The following WWOX variants were observed in gnomAD, a reference collection of about 807,000 sequenced individuals.
The protein encoded by WWOX is WW domain containing oxidoreductase.
WWOX carries 69 observed loss-of-function variants against 46.2 expected under a neutral mutation model. The ratio of observed to expected loss-of-function variants is 1.49; its 90% CI spans 1.23 to 1.82. The LOEUF (loss-of-function observed/expected upper bound fraction) is 1.82, where lower values mean the gene tolerates loss of function less well. Among genes scored for constraint, WWOX ranks in the 40% most tolerant of loss-of-function variants. The pLI, the probability that WWOX is intolerant of heterozygous loss-of-function variation, is 0.00. For missense variants in WWOX, 919 were observed against 542.6 expected, an observed-to-expected ratio of 1.69 and a Z score of -6.89; for synonymous variants, 359 against 202.6, an observed-to-expected ratio of 1.77 and a Z score of -6.56.
intron 8 of WWOX, among the ~76,000 whole-genome samples, chr16:78,667,694 GATA>G (rs1339484292): frequency 2.0e-4 from 27 of 134,924 alleles, no homozygotes; most frequent in African/African-American, 6.8e-4. Context: ...AAAAAAAAAA[GATA>G]ATGATGAAAA....
intron 8 of WWOX, among the ~76,000 whole-genome samples, chr16:78,706,708 C>G (rs1326778342): frequency 6.6e-6 from 1 of 152,312 alleles, no homozygotes; most frequent in East Asian, 1.9e-4. Context: ...TGCAGTTTCC[C>G]TTTTGACCTG....
chr16:78,595,648 G>C (rs1338136137), intron 8 of WWOX, among the ~76,000 whole-genome samples: 1 of 152,198 alleles, frequency 6.6e-6, no homozygotes, highest in Non-Finnish European at 1.5e-5. Flanking sequence ...ATGTCTTGAT[G>C]ATGAGCCATA....
intron 8 of WWOX, among the ~76,000 whole-genome samples, chr16:78,606,217 C>T (rs887052881): frequency 6.6e-6 from 1 of 152,156 alleles, no homozygotes; most frequent in African/African-American, 2.4e-5. Context: ...ACACATACTT[C>T]TTTTCAACAA....
At chr16:79,161,168 G>T (rs1235376719) in intron 8 of WWOX, among the ~76,000 whole-genome samples, 1 of 152,164 alleles carries the variant, frequency 6.6e-6, no homozygotes, top group Admixed American at 6.5e-5. Flanking sequence ...CAGGATAGAA[G>T]GCAAAGACAA....
At chr16:78,360,025 A>G (rs1248455388) in intron 5 of WWOX, among the ~76,000 whole-genome samples, 3 of 152,252 alleles carry the variant, frequency 2.0e-5, no homozygotes, top group Non-Finnish European at 4.4e-5. Context: ...ATTTCAGGAA[A>G]CAAACTTTTT....
chr16:78,929,602 G>A (rs1160363340), intron 8 of WWOX, among the ~76,000 whole-genome samples: 1 of 152,156 alleles, frequency 6.6e-6, no homozygotes, highest in Non-Finnish European at 1.5e-5. Context: ...GGACAAGGAG[G>A]GCGGGATAAG....
intron 5 of WWOX, among the ~76,000 whole-genome samples, chr16:78,265,039 C>T (rs559261463): frequency 6.4e-4 from 85 of 131,880 alleles, no homozygotes; most frequent in African/African-American, 2.0e-3. Flanking sequence ...CTCACTCCGT[C>T]GTCCAGGTTG....
intron 8 of WWOX, among the ~76,000 whole-genome samples, chr16:79,200,061 G>C (rs1308449296): frequency 6.6e-6 from 1 of 152,160 alleles, no homozygotes; most frequent in African/African-American, 2.4e-5. Flanking sequence ...CTCCTCACCT[G>C]AGCCCTGCCA....
chr16:79,037,843 C>T (rs1280237315), intron 8 of WWOX, among the ~76,000 whole-genome samples: 1 of 152,102 alleles, frequency 6.6e-6, no homozygotes, highest in Non-Finnish European at 1.5e-5. Context: ...GCATTCCATC[C>T]AGCTCCTGCC....
chr16:78,757,778 C>A (rs1012810594), intron 8 of WWOX, among the ~76,000 whole-genome samples: 4 of 151,774 alleles, frequency 2.6e-5, no homozygotes, highest in Non-Finnish European at 5.9e-5. Flanking sequence ...CAGATAGCGA[C>A]CTTCCTGCTA....
intron 4 of WWOX, chr16:78,124,314 TA>T (rs1332173644): frequency 6.6e-6 from 1 of 151,530 alleles, no homozygotes; most frequent in Non-Finnish European, 1.5e-5. Flanking sequence ...GTTGTTTATC[TA>T]ATAAATTGTT....
chr16:78,907,418 A>C (rs568791121), intron 8 of WWOX, among the ~76,000 whole-genome samples: 10 of 152,166 alleles, frequency 6.6e-5, no homozygotes, highest in Admixed American at 3.3e-4. Context: ...GTTTATGTCC[A>C]CTCTTTAGCA....
At chr16:78,242,421 T>A (rs1387312004) in intron 5 of WWOX, among the ~76,000 whole-genome samples, 1 of 152,234 alleles carries the variant, frequency 6.6e-6, no homozygotes, top group Non-Finnish European at 1.5e-5. Context: ...GCTAAATAAA[T>A]ATTCGGGCAA....
intron 5 of WWOX, among the ~76,000 whole-genome samples, chr16:78,338,294 C>T (rs1319587918): frequency 8.2e-6 from 1 of 121,484 alleles, no homozygotes; most frequent in Admixed American, 8.0e-5. Flanking sequence ...GAAATGTAGA[C>T]ACCAACACCC....
chr16:79,083,393 T>C (rs1412986321), intron 8 of WWOX, among the ~76,000 whole-genome samples: 3 of 152,098 alleles, frequency 2.0e-5, no homozygotes, highest in Non-Finnish European at 2.9e-5. Context: ...GGTCCCTGAG[T>C]GACCACAGTC....
At chr16:79,137,626 G>A (rs2050007883) in intron 8 of WWOX, among the ~76,000 whole-genome samples, 1 of 152,060 alleles carries the variant, frequency 6.6e-6, no homozygotes, top group Admixed American at 6.5e-5. Flanking sequence ...CTGCCATCAT[G>A]GAAAAAAAGT....
chr16:78,312,739 A>C (rs965389421), intron 5 of WWOX, among the ~76,000 whole-genome samples: 6 of 152,186 alleles, frequency 3.9e-5, no homozygotes, highest in African/African-American at 1.4e-4. Context: ...AGGAAGCAAG[A>C]CTGAAGGTCG....
intron 8 of WWOX, among the ~76,000 whole-genome samples, chr16:79,161,280 C>T (rs995384315): frequency 6.6e-6 from 1 of 152,124 alleles, no homozygotes; most frequent in Non-Finnish European, 1.5e-5. Flanking sequence ...GCTAAATGAC[C>T]TTGTGCTGGC....
At chr16:78,335,199 C>A (rs1437593860) in intron 5 of WWOX, among the ~76,000 whole-genome samples, 1 of 152,158 alleles carries the variant, frequency 6.6e-6, no homozygotes, top group East Asian at 1.9e-4. Flanking sequence ...TAATCATCTG[C>A]CACGGTGGTT....
Sources: allele counts gnomAD v4.1 joint callset (sites outside exome capture counted in the v4.1 genomes callset), GRCh38; gene constraint gnomAD v4.1.1; transcripts MANE v1.5; gene names NCBI Gene and HGNC (gene_info 2026-07-23, HGNC 2026-07-21).